EML6: variants seen among roughly 807,000 people sequenced by gnomAD.
EML6 encodes echinoderm microtubule-associated protein-like 6.
In EML6, 154 loss-of-function variants were observed where a neutral mutation model predicts 240.1. That is an observed-to-expected ratio of 0.64 (90% CI 0.56 to 0.73). The LOEUF is 0.73. Among genes scored for constraint, EML6 ranks in the 30% least tolerant of loss-of-function variants. The pLI, the probability that EML6 is intolerant of heterozygous loss-of-function variation, is 0.00. For missense variants in EML6, 2,964 were observed against 2,474.6 expected (o/e 1.20, Z -4.20); for synonymous variants, 1,148 against 899.0 (o/e 1.28, Z -4.95).
At chr2:54,759,959 G>T (rs904369946) in intron 2 of EML6, among the ~76,000 whole-genome samples, 12 of 151,134 alleles carry the variant, frequency 7.9e-5, no homozygotes, top group African/African-American at 2.4e-4. Flanking sequence ...AAGATAACTT[G>T]CTCTAGATAT....
chr2:54,762,471 G>A (rs562853187), intron 2 of EML6, among the ~76,000 whole-genome samples: 47 of 152,186 alleles, frequency 3.1e-4, no homozygotes, highest in African/African-American at 1.0e-3. Context: ...TTGAGTGGAA[G>A]TGCTTTTTAA....
At chr2:54,873,599 C>T (rs1388959287) in intron 16 of EML6, among the ~76,000 whole-genome samples, 2 of 150,708 alleles carry the variant, frequency 1.3e-5, no homozygotes, top group Middle Eastern at 3.4e-3. Flanking sequence ...ATTCCTTCTG[C>T]TTTTTGTTCT....
chr2:54,887,924 A>C (rs1672241821), intron 17 of EML6, among the ~76,000 whole-genome samples: 1 of 152,114 alleles, frequency 6.6e-6, no homozygotes, highest in Non-Finnish European at 1.5e-5. Flanking sequence ...TATCATTATC[A>C]CCCGAAGTCC....
intron 11 of EML6, among the ~76,000 whole-genome samples, chr2:54,854,796 A>C (rs1401692083): frequency 6.6e-6 from 1 of 152,276 alleles, no homozygotes; most frequent in Non-Finnish European, 1.5e-5. Flanking sequence ...GCACAGAATT[A>C]TCTCAACATG....
Position 54,916,779 on chromosome 2 carries a change from C to T in EML6, c.3519C>T (p.Asp1173=). ...RPSEIEKIEW[D]TWTCVLGPTC... is the part of the protein sequence containing the mutation. ...TTCAGATCGAGAAGATAGAGTGGGA[C>T]ACATGGACCTGTGTCCTGGGGCCCA... Residue 1173 remains aspartate, a synonymous_variant, in exon 26 of 42, where the codon GAC becomes GAT. Transcript: ENST00000356458. 1.3e-6 allele frequency: 2 copies of T among 1,527,292 alleles called. No individual in the cohort carries two copies. The highest frequency in any genetic ancestry group is 8.9e-7 in the Non-Finnish European group (1 of 1,128,812). 94.6% of individuals were successfully genotyped at this position (1,527,292 alleles called of 1,614,324 possible). A position where few individuals can be genotyped will look rare whatever the true frequency, so the allele number is the denominator to read the frequency against.
chr2:54,790,642 G>A (rs1024182903), intron 2 of EML6, among the ~76,000 whole-genome samples: 2 of 151,900 alleles, frequency 1.3e-5, no homozygotes, highest in East Asian at 3.9e-4. Flanking sequence ...CTTATCACCA[G>A]GCTTTCCCAC....
intron 28 of EML6, among the ~76,000 whole-genome samples, chr2:54,942,333 A>T (rs967186055): frequency 1.3e-5 from 2 of 152,228 alleles, no homozygotes; most frequent in Non-Finnish European, 2.9e-5. Context: ...ACACTTCAAA[A>T]ATATGTAAGC....
chr2:54,838,757 C>G (rs1669284620), intron 7 of EML6, among the ~76,000 whole-genome samples: 1 of 152,142 alleles, frequency 6.6e-6, no homozygotes, highest in African/African-American at 2.4e-5. Context: ...GCTCTCTGTA[C>G]CAAGCATAGG....
chr2:54,818,888 T>A lies in EML6; in HGVS notation c.457-1506T>A, dbSNP rs1008109169. ...AGTATGAATTATTGACTGCTTATGA[T>A]TAACTTCAAGATTATCCTCAAGATT... On this transcript the variant is annotated intron_variant, in intron 4 of 41. Transcript: ENST00000356458. Among the ~76,000 whole-genome samples, 4 of 152,226 alleles carry A rather than the reference T, an allele frequency of 2.6e-5. No individual in the cohort carries two copies. The East Asian group carries it at 7.7e-4, about 29-fold the overall frequency.
intron 11 of EML6, 125 bp from the exon 12 acceptor site, chr2:54,859,409 G>C: frequency 1.4e-6 from 1 of 730,878 alleles, no homozygotes; most frequent in South Asian, 1.8e-5. Flanking sequence ...CAATATGTAA[G>C]ACGGAACATC....
In EML6 at chr2:54,829,470, A is replaced by G. The variant is rs745677249; in HGVS notation, c.840A>G (p.Gly280=). ...TTGATCTCAGGGAGACAGAACAAGG[A>G]TACAAAGGTAATATATGTGTTAAGC... ...TKIDLRETEQ[G]YKGLSIRSVC... Residue 280 remains glycine (G), a synonymous_variant, in exon 7 of 42, where the codon GGA becomes GGG. Coordinates refer to ENST00000356458, the MANE Select transcript of EML6 (RefSeq NM_001039753.4). 1.3e-5 allele frequency: 20 copies of G among 1,551,110 alleles called. No homozygotes were observed. Among genetic ancestry groups the G allele is most frequent in the Non-Finnish European group, 1.7e-5 (19 of 1,146,282 alleles).
At chr2:54,915,670 A>G (rs905514198) in intron 25 of EML6, among the ~76,000 whole-genome samples, 1 of 152,118 alleles carries the variant, frequency 6.6e-6, no homozygotes, top group Admixed American at 6.5e-5. Flanking sequence ...GCACCTTACC[A>G]CGTTGTGACT....
At chr2:54,886,082 G>A (rs987584047) in intron 17 of EML6, among the ~76,000 whole-genome samples, 1 of 149,280 alleles carries the variant, frequency 6.7e-6, no homozygotes, top group South Asian at 2.1e-4. Context: ...TGAACCTTCT[G>A]TACCCATCAC....
chr2:54,957,857 A>C lies in EML6; in HGVS notation c.4554A>C (p.Ser1518=), dbSNP rs1262437520. ...TTGTGGTGGAATTTCGCCCCGACTCAGACACGCAGTTTGTATCTGTCGGGG... is the reference window on the plus strand; with the variant it reads ...TTGTGGTGGAATTTCGCCCCGACTCCGACACGCAGTTTGTATCTGTCGGGG... ...RIFVVEFRPD[S]DTQFVSVGVK... is the part of the protein sequence containing the mutation. The change falls in exon 33 of 42, where the codon TCA becomes TCC. Residue 1518 remains serine, a synonymous_variant. Coordinates refer to ENST00000356458, the MANE Select transcript of EML6 (RefSeq NM_001039753.4). The C allele has an allele frequency of 6.4e-7, 1 of 1,551,148 alleles. No individual in the cohort carries two copies.
chr2:54,748,716 T>C (rs1004682871), intron 2 of EML6, among the ~76,000 whole-genome samples: 1 of 152,032 alleles, frequency 6.6e-6, no homozygotes, highest in African/African-American at 2.4e-5. Context: ...CATGCCACAC[T>C]CTCTGCTAAT....
intron 2 of EML6, among the ~76,000 whole-genome samples, chr2:54,804,184 A>G (rs1372240290): frequency 6.6e-6 from 1 of 152,260 alleles, no homozygotes; most frequent in Admixed American, 6.5e-5. Context: ...ACTAGACCAG[A>G]TGGATTCATT....
At chr2:54,750,033 A>C (rs1684088879) in intron 2 of EML6, among the ~76,000 whole-genome samples, 2 of 152,212 alleles carry the variant, frequency 1.3e-5, no homozygotes. Flanking sequence ...TGCTGAAAGC[A>C]ATGGCAACAA....
chr2:54,930,206 G>A (rs775949507), intron 28 of EML6, among the ~76,000 whole-genome samples: 5 of 152,166 alleles, frequency 3.3e-5, no homozygotes, highest in Non-Finnish European at 5.9e-5. Flanking sequence ...TAACTCATTC[G>A]TACATCATGC....
rs142439659 is a variant in EML6, at chr2:54,826,352, G to A, written c.526-1214G>A. The stretch of plus-strand genomic sequence containing the variant: ...GTTGATACATGAAAACTATGTTAAG[G>A]TTTTGAGAGGCCAAGTGGGGCAGAT... On this transcript the variant is annotated intron_variant, in intron 5 of 41. Coordinates refer to ENST00000356458, the MANE Select transcript of EML6 (RefSeq NM_001039753.4). 1.5e-3 allele frequency among the ~76,000 whole-genome samples: 227 copies of A among 152,292 alleles called. 1 individual carries two copies. The highest frequency in any genetic ancestry group is 3.5e-3 in the Admixed American group (54 of 15,306).
Sources: gnomAD v4.1 joint callset for allele counts (sites outside exome capture counted in the v4.1 genomes callset) on GRCh38, gnomAD v4.1.1 for gene constraint, MANE v1.5 for transcripts, NCBI Gene and HGNC (gene_info 2026-07-23, HGNC 2026-07-21) for gene names.